Variants in PSMA1 observed in about 807,000 individuals in gnomAD.
PSMA1 encodes proteasome 20S subunit alpha 1, also known as proteasome subunit alpha type-1.
Under a neutral mutation model 38.4 loss-of-function variants are expected in PSMA1, and 3 were observed. That is an observed-to-expected ratio of 0.08 (90% CI 0.04 to 0.20). The LOEUF (loss-of-function observed/expected upper bound fraction) is 0.20, where lower values mean the gene tolerates loss of function less well. Ranked by LOEUF, PSMA1 falls within the 10% of genes least tolerant of loss-of-function variation. The pLI is 1.00. For synonymous variants in PSMA1, 101 were observed against 107.1 expected (o/e 0.94, Z 0.35); for missense variants, 227 against 325.3 (o/e 0.70, Z 2.32).
chr11:14,599,975 AG>A (rs1852559149), intron 2 of PSMA1, among the ~76,000 whole-genome samples: 1 of 152,064 alleles, frequency 6.6e-6, no homozygotes, highest in South Asian at 2.1e-4. Flanking sequence ...TCTGTTTGTT[AG>A]TTTTCCTCCT....
chr11:14,527,228 C>G (rs557459823), intron 2 of PSMA1, among the ~76,000 whole-genome samples: 26 of 152,316 alleles, frequency 1.7e-4, no homozygotes, highest in African/African-American at 5.8e-4. Context: ...GCTAAAGAAG[C>G]AGCTAGAATT....
chr11:14,596,523 ACT>A (rs1436242445), intron 2 of PSMA1, among the ~76,000 whole-genome samples: 3 of 152,176 alleles, frequency 2.0e-5, no homozygotes, highest in Non-Finnish European at 2.9e-5. Flanking sequence ...ATGGGAGTTC[ACT>A]CATGATTTGG....
intron 1 of PSMA1, among the ~76,000 whole-genome samples, chr11:14,638,512 TC>T (rs1853139644): frequency 5.2e-5 from 1 of 19,098 alleles, no homozygotes; most frequent in East Asian, 1.3e-3. Context: ...CACACCTCTC[TC>T]TCTCTCTCTC....
chr11:14,605,442 G>A (rs951741225), intron 2 of PSMA1, among the ~76,000 whole-genome samples: 2 of 152,034 alleles, frequency 1.3e-5, no homozygotes, highest in South Asian at 2.1e-4. Flanking sequence ...GGAATACAAC[G>A]GCGTGATCTT....
chr11:14,610,860 G>T, intron 2 of PSMA1: 1 of 1,130,608 alleles, frequency 8.8e-7, no homozygotes, highest in Non-Finnish European at 1.3e-6. Flanking sequence ...GCCTAGAGAT[G>T]CGTTTTTCTC....
intron 1 of PSMA1, among the ~76,000 whole-genome samples, chr11:14,631,886 C>G (rs1461805588): frequency 2.7e-5 from 4 of 147,992 alleles, no homozygotes; most frequent in Non-Finnish European, 6.0e-5. Context: ...ATAGTTAGCT[C>G]TTCTTGTTGA....
chr11:14,617,801 A>G (rs1312078876), intron 1 of PSMA1, among the ~76,000 whole-genome samples: 1 of 151,922 alleles, frequency 6.6e-6, no homozygotes, highest in Non-Finnish European at 1.5e-5. Context: ...CTTTACTGAA[A>G]CTGGAATCAG....
At chr11:14,512,015 AAAAT>A (rs1851352625) in intron 7 of PSMA1, among the ~76,000 whole-genome samples, 1 of 152,250 alleles carries the variant, frequency 6.6e-6, no homozygotes, top group African/African-American at 2.4e-5. Context: ...AACAGCACCA[AAAAT>A]AATAAAATAC....
At chr11:14,505,547 CTTTTT>C (rs1428528703) in intron 9 of PSMA1, among the ~76,000 whole-genome samples, 3 of 150,400 alleles carry the variant, frequency 2.0e-5, no homozygotes, top group East Asian at 3.9e-4. Flanking sequence ...TTTTCTTTTT[CTTTTT>C]TGTTTGCTTT....
intron 1 of PSMA1, among the ~76,000 whole-genome samples, chr11:14,638,522 T>C (rs57782234): frequency 0.011 from 219 of 19,126 alleles, 1 homozygote; most frequent in African/African-American, 0.033. Flanking sequence ...TCTCTCTCTC[T>C]CTCTCTCTCT....
At chr11:14,592,021 C>A (rs183963608) in intron 2 of PSMA1, among the ~76,000 whole-genome samples, 2 of 151,700 alleles carry the variant, frequency 1.3e-5, no homozygotes, top group Non-Finnish European at 2.9e-5. Context: ...ATGAGCCCAC[C>A]GGGAGGAAGG....
intron 1 of PSMA1, among the ~76,000 whole-genome samples, chr11:14,631,933 T>C (rs540173970): frequency 1.8e-3 from 262 of 144,360 alleles, no homozygotes; most frequent in African/African-American, 6.6e-3. Flanking sequence ...GCCTTCTTTG[T>C]CTCTTTTGAT....
chr11:14,569,701 A>G (rs984778677), intron 2 of PSMA1, among the ~76,000 whole-genome samples: 3 of 152,210 alleles, frequency 2.0e-5, no homozygotes, highest in African/African-American at 7.2e-5. Flanking sequence ...AGGCAAACAA[A>G]GCAGCCAGGA....
intron 2 of PSMA1, among the ~76,000 whole-genome samples, chr11:14,568,453 T>C (rs1040258134): frequency 1.3e-5 from 2 of 152,230 alleles, no homozygotes; most frequent in African/African-American, 4.8e-5. Context: ...ACATTTGCCC[T>C]CATTCATCCC....
At chr11:14,526,932 A>C (rs910589073) in intron 2 of PSMA1, among the ~76,000 whole-genome samples, 1 of 152,144 alleles carries the variant, frequency 6.6e-6, no homozygotes, top group East Asian at 1.9e-4. Context: ...ATCTCTCAGC[A>C]AGCCTAACTC....
chr11:14,567,054 GA>G (rs1449299028), intron 2 of PSMA1, among the ~76,000 whole-genome samples: 2 of 152,204 alleles, frequency 1.3e-5, no homozygotes, highest in African/African-American at 4.8e-5. Flanking sequence ...GAGGGTGCAA[GA>G]AAGCCAGAGA....
rs1324299401 is a variant in PSMA1 at position 14,514,413 on chromosome 11, T to A, written c.333A>T (p.Leu111=). ...RPLPVSRLVS[L]IGSKTQIPTQ... ...ACATAAAAAGGATACTGCTTCCAAT[T>A]AGAGATACAAGACGAGACACAGGCA... Residue 111 remains leucine, a synonymous_variant, in exon 5 of 10, where the codon CTA becomes CTT. Transcript: ENST00000396394. 1 of 1,606,734 alleles carries A rather than the reference T, an allele frequency of 6.2e-7. No homozygotes were observed. The highest frequency in any genetic ancestry group is 1.3e-5 in the African/African-American group (1 of 74,678).
intron 1 of PSMA1, among the ~76,000 whole-genome samples, chr11:14,632,787 A>C (rs534488340): frequency 2.2e-4 from 34 of 151,666 alleles, no homozygotes; most frequent in Admixed American, 1.9e-3. Flanking sequence ...CATTCTCCCC[A>C]TCACTTTCAG....
At chr11:14,604,083 A>C (rs1444668532) in intron 2 of PSMA1, among the ~76,000 whole-genome samples, 1 of 152,214 alleles carries the variant, frequency 6.6e-6, no homozygotes, top group Non-Finnish European at 1.5e-5. Flanking sequence ...CCTTTCCAGT[A>C]AGCTGAGAGA....
Sources: allele counts gnomAD v4.1 joint callset (sites outside exome capture counted in the v4.1 genomes callset), GRCh38; gene constraint gnomAD v4.1.1; transcripts MANE v1.5; gene names NCBI Gene and HGNC (gene_info 2026-07-23, HGNC 2026-07-21).